ACTR3B: variants seen among roughly 807,000 people sequenced by gnomAD.
ACTR3B encodes the protein actin related protein 3B, also known as actin-related protein 3B.
Under a neutral mutation model 59.0 loss-of-function variants are expected in ACTR3B, and 8 were observed. That is an observed-to-expected ratio of 0.14 (90% CI 0.08 to 0.24). ACTR3B has a LOEUF of 0.24. Among genes scored for constraint, ACTR3B ranks in the 10% least tolerant of loss-of-function variants. The probability of loss-of-function intolerance (pLI) is 1.00; values close to 1 mark genes in which losing one functional copy is unlikely to be tolerated. For synonymous variants in ACTR3B, 148 were observed against 197.9 expected, an observed-to-expected ratio of 0.75 and a Z score of 2.12; for missense variants, 245 against 552.3, an observed-to-expected ratio of 0.44 and a Z score of 5.58.
At chr7:152,788,355 G>A (rs1284109081) in intron 2 of ACTR3B, among the ~76,000 whole-genome samples, 1 of 149,068 alleles carries the variant, frequency 6.7e-6, no homozygotes, top group East Asian at 2.0e-4. Context: ...TGGTATATGT[G>A]TTTTATTGTT....
At chr7:152,785,491 GAC>G (rs1327489442) in intron 2 of ACTR3B, among the ~76,000 whole-genome samples, 15 of 101,980 alleles carry the variant, frequency 1.5e-4, no homozygotes, top group East Asian at 9.1e-4. Context: ...GAGAGAGAGA[GAC>G]AGAGAGAGAG....
chr7:152,782,181 A>G (rs1342587308), intron 1 of ACTR3B, among the ~76,000 whole-genome samples: 1 of 151,460 alleles, frequency 6.6e-6, no homozygotes, highest in Non-Finnish European at 1.5e-5. Flanking sequence ...TATTAAGCAT[A>G]TTGAAATAAT....
intron 1 of ACTR3B, among the ~76,000 whole-genome samples, chr7:152,780,856 T>C (rs1055627548): frequency 6.6e-5 from 10 of 151,326 alleles, no homozygotes; most frequent in Non-Finnish European, 2.9e-5. Flanking sequence ...TTTTTTTTTT[T>C]TTTTTTCGAG....
chr7:152,775,015 ACTT>A (rs2098132977), intron 1 of ACTR3B, among the ~76,000 whole-genome samples: 1 of 152,024 alleles, frequency 6.6e-6, no homozygotes, highest in East Asian at 1.9e-4. Flanking sequence ...AATCAAAAGA[ACTT>A]CTCACAGGAC....
At chr7:152,785,520 A>G (rs1292031131) in intron 2 of ACTR3B, among the ~76,000 whole-genome samples, 3 of 125,174 alleles carry the variant, frequency 2.4e-5, no homozygotes, top group South Asian at 2.8e-4. Context: ...AGGAGAGAGA[A>G]GAGAGAGAAG....
intron 2 of ACTR3B, among the ~76,000 whole-genome samples, chr7:152,790,121 T>C (rs2098190472): frequency 1.3e-5 from 2 of 150,074 alleles, no homozygotes; most frequent in Non-Finnish European, 2.9e-5. Context: ...GCCTCCCAAG[T>C]AGCTGGGACC....
intron 2 of ACTR3B, among the ~76,000 whole-genome samples, chr7:152,797,195 T>G (rs2098220446): frequency 6.6e-6 from 1 of 152,094 alleles, no homozygotes; most frequent in Non-Finnish European, 1.5e-5. Flanking sequence ...TGGGCTCAAG[T>G]GATCCTTTCA....
At chr7:152,814,333 G>A in intron 4 of ACTR3B, 1 of 466,716 alleles carries the variant, frequency 2.1e-6, no homozygotes, top group Non-Finnish European at 3.7e-6. Context: ...TGGGTAATAA[G>A]AACAGAGGCC....
chr7:152,806,767 A>T (rs2098253386), intron 4 of ACTR3B, among the ~76,000 whole-genome samples: 1 of 152,222 alleles, frequency 6.6e-6, no homozygotes, highest in African/African-American at 2.4e-5. Context: ...TTACTTACTT[A>T]GTCATCCCTG....
At chr7:152,796,679 G>A (rs1239376397) in intron 2 of ACTR3B, among the ~76,000 whole-genome samples, 3 of 114,216 alleles carry the variant, frequency 2.6e-5, no homozygotes, top group African/African-American at 7.9e-5. Context: ...TGGCTGGACT[G>A]TTTGAAGAAA....
intron 9 of ACTR3B, among the ~76,000 whole-genome samples, chr7:152,848,746 T>C (rs551169375): frequency 3.1e-4 from 47 of 152,320 alleles, no homozygotes; most frequent in East Asian, 1.7e-3. Context: ...ATGCAGTGTG[T>C]CTGAAAGAGT....
intron 2 of ACTR3B, among the ~76,000 whole-genome samples, chr7:152,799,721 G>T (rs368027953): frequency 6.6e-6 from 1 of 152,352 alleles, no homozygotes; most frequent in Middle Eastern, 3.4e-3. Context: ...AAGCCTTCAA[G>T]TGAGGAGATG....
intron 5 of ACTR3B, 31 bp from the exon 6 acceptor site, chr7:152,816,450 T>C (rs762893775): frequency 2.1e-5 from 32 of 1,526,426 alleles, no homozygotes; most frequent in Non-Finnish European, 2.3e-5. Flanking sequence ...AGAGTTCCTA[T>C]GTGCGAGCGG....
rs180911124 is a variant in ACTR3B, at chr7:152,781,324, T to A, written c.45-1863T>A. ...TTCCATCAGATTCTTTTTCTGACTT[T>A]CAGCATCCCTCTTGCAAATATTGGT... On this transcript the variant is annotated intron_variant, in intron 1 of 11. Transcript: ENST00000256001. Among the ~76,000 whole-genome samples the A allele has an allele frequency of 7.1e-3, 1,085 of 152,164 alleles. 8 individuals are homozygous for A. The highest frequency in any genetic ancestry group is 0.01 in the Non-Finnish European group (709 of 68,012).
At chr7:152,806,223 AT>A (rs548586458) in intron 4 of ACTR3B, among the ~76,000 whole-genome samples, 18 of 152,366 alleles carry the variant, frequency 1.2e-4, no homozygotes, top group African/African-American at 4.1e-4. Context: ...TAATTATAAC[AT>A]CAATAGTGGT....
At chr7:152,818,223 G>C (rs1262709042) in intron 6 of ACTR3B, among the ~76,000 whole-genome samples, 1 of 152,116 alleles carries the variant, frequency 6.6e-6, no homozygotes, top group African/African-American at 2.4e-5. Flanking sequence ...TCTTATGTCT[G>C]ATTTAGGAAA....
chr7:152,831,706 C>T (rs1590399544), intron 9 of ACTR3B, among the ~76,000 whole-genome samples: 1 of 152,148 alleles, frequency 6.6e-6, no homozygotes. Flanking sequence ...GTGTGCAGCA[C>T]TAGGGTGAAG....
chr7:152,810,537 G>A (rs1438358422), intron 4 of ACTR3B, among the ~76,000 whole-genome samples: 1 of 151,652 alleles, frequency 6.6e-6, no homozygotes, highest in Non-Finnish European at 1.5e-5. Context: ...GGGCTGGAGT[G>A]ATCCTCCTGC....
intron 1 of ACTR3B, among the ~76,000 whole-genome samples, chr7:152,780,989 C>T (rs1020805807): frequency 2.0e-5 from 3 of 151,688 alleles, no homozygotes; most frequent in African/African-American, 7.3e-5. Context: ...TTTATAGTAA[C>T]TGACATACAG....
Sources: allele counts gnomAD v4.1 joint callset (sites outside exome capture counted in the v4.1 genomes callset), GRCh38; gene constraint gnomAD v4.1.1; transcripts MANE v1.5; gene names NCBI Gene and HGNC (gene_info 2026-07-23, HGNC 2026-07-21).